KLHL28: variants seen among roughly 807,000 people sequenced by gnomAD.
KLHL28 encodes kelch like family member 28.
In KLHL28, 22 loss-of-function variants were observed where a neutral mutation model predicts 48.3. That is an observed-to-expected ratio of 0.46 (90% CI 0.33 to 0.65). KLHL28 has a LOEUF of 0.65. Among genes scored for constraint, KLHL28 ranks in the 30% least tolerant of loss-of-function variants. The probability of loss-of-function intolerance (pLI) is 0.03; values close to 1 mark genes in which losing one functional copy is unlikely to be tolerated. For missense variants in KLHL28, 527 were observed against 704.3 expected, an observed-to-expected ratio of 0.75 and a Z score of 2.85; for synonymous variants, 243 against 242.4, an observed-to-expected ratio of 1.00 and a Z score of -0.02.
chr14:44,961,266 C>T (rs773031890), intron 1 of KLHL28: 2 of 192,360 alleles, frequency 1.0e-5, no homozygotes, highest in Non-Finnish European at 2.1e-5. Context: ...TGCAGAGACG[C>T]TTGAGGATCC....
chr14:44,952,247 A>C (rs1884616479), intron 1 of KLHL28, among the ~76,000 whole-genome samples: 1 of 152,180 alleles, frequency 6.6e-6, no homozygotes, highest in African/African-American at 2.4e-5. Flanking sequence ...TAACATTTTC[A>C]AATATAGAGT....
chr14:44,956,392 T>C (rs1884794569), intron 1 of KLHL28, among the ~76,000 whole-genome samples: 1 of 152,214 alleles, frequency 6.6e-6, no homozygotes, highest in Non-Finnish European at 1.5e-5. Flanking sequence ...GAGAGATAGC[T>C]AGATAATTGG....
rs74046547 is a variant in KLHL28, at chr14:44,936,060, T to C, written c.900-1502A>G. On this transcript the variant is annotated intron_variant, in intron 2 of 4. Transcript: ENST00000396128. ...TATTTAAAGTCAGTTTTTATTATAA[T>C]ACTTGTTTTAAAAATATGAATTTGA... is the stretch of plus-strand genomic sequence containing the variant. 8.5e-3 allele frequency among the ~76,000 whole-genome samples: 1,292 copies of C among 151,546 alleles called. 20 individuals are homozygous for C. The highest frequency in any genetic ancestry group is 0.029 in the African/African-American group (1,201 of 41,382).
At position 44,947,091 on chromosome 14, in the gene KLHL28, G is replaced by T. The variant is rs1358025769; in HGVS notation, c.1-1163C>A. On this transcript the variant is annotated intron_variant, in intron 1 of 4. Coordinates refer to ENST00000396128, the MANE Select transcript of KLHL28 (RefSeq NM_017658.5). ...TATGGCAAAAAGGGACTTTGGAAAG[G>T]ATTAACAATTTTGAGATGGGGACAA... 6.6e-5 allele frequency among the ~76,000 whole-genome samples: 10 copies of T among 152,284 alleles called. No homozygotes were observed. In the East Asian group the frequency reaches 1.7e-3, roughly 26 times the overall value.
chr14:44,930,630 A>C (rs1313761139), intron 4 of KLHL28, among the ~76,000 whole-genome samples: 1 of 152,172 alleles, frequency 6.6e-6, no homozygotes, highest in Non-Finnish European at 1.5e-5. Flanking sequence ...AGCATTTCAC[A>C]CTTTAGATTT....
rs191639885 is a variant in KLHL28, at chr14:44,928,526, A to G, written c.*502T>C. The G allele has an allele frequency of 1.2e-4, 19 of 152,352 alleles. No individual in the cohort carries two copies. The highest frequency in any genetic ancestry group is 4.6e-4 in the African/African-American group (19 of 41,560). 9.4% of individuals were successfully genotyped at this position (152,352 alleles called of 1,614,324 possible). A position where few individuals can be genotyped will look rare whatever the true frequency, so the allele number is the denominator to read the frequency against. ...TACAACCTTTAAAAGTACCAAAATA[A>G]AAAGCAGCCCTTTGTTTGTTTTAAA... is the stretch of plus-strand genomic sequence containing the variant. On this transcript the variant is annotated 3_prime_UTR_variant, in exon 5 of 5. Coordinates refer to ENST00000396128, the MANE Select transcript of KLHL28 (RefSeq NM_017658.5).
At chr14:44,930,719 G>T (rs2138580540) in intron 4 of KLHL28, among the ~76,000 whole-genome samples, 2 of 152,258 alleles carry the variant, frequency 1.3e-5, no homozygotes, top group Middle Eastern at 3.4e-3. Flanking sequence ...AACACTTCTG[G>T]TCCTAAGCAT....
intron 1 of KLHL28, among the ~76,000 whole-genome samples, chr14:44,959,152 C>G (rs1191992521): frequency 6.6e-6 from 1 of 151,574 alleles, no homozygotes; most frequent in East Asian, 1.9e-4. Context: ...CTAATTTTAT[C>G]CTAAAGTTTC....
chr14:44,932,758 T>TG (rs2138586178), intron 3 of KLHL28, among the ~76,000 whole-genome samples: 1 of 152,270 alleles, frequency 6.6e-6, no homozygotes, highest in South Asian at 2.1e-4. Flanking sequence ...TACTTAACCT[T>TG]TTATCTTACA....
At position 44,945,193 on chromosome 14, in the gene KLHL28, C is replaced by A; in HGVS notation, c.736G>T (p.Asp246Tyr). 1 of 1,614,130 alleles carries A rather than the reference C, an allele frequency of 6.2e-7. No individual in the cohort carries two copies. Among genetic ancestry groups the A allele is most frequent in the Non-Finnish European group, 8.5e-7 (1 of 1,180,000 alleles). Reference protein sequence around the residue: ...RLYEANHLIRDDRTCKHLLNE... With the variant: ...RLYEANHLIRYDRTCKHLLNE... Reference sequence around the variant, plus strand: ...AAAAGATGTTTACAAGTGCGATCATCACGAATAAGATGATTTGCTTCATAT... The same window carrying A: ...AAAAGATGTTTACAAGTGCGATCATAACGAATAAGATGATTTGCTTCATAT... Residue 246 changes from aspartate (D) to tyrosine (Y), a missense_variant, in exon 2 of 5, where the codon GAT (aspartate) becomes TAT (tyrosine). Coordinates refer to ENST00000396128, the MANE Select transcript of KLHL28 (RefSeq NM_017658.5).
chr14:44,953,727 C>T (rs991924385), intron 1 of KLHL28: 1 of 152,170 alleles, frequency 6.6e-6, no homozygotes, highest in African/African-American at 2.4e-5. Flanking sequence ...AAATAAATTC[C>T]TTTTACTTAT....
At chr14:44,943,043 T>C (rs554240229) in intron 2 of KLHL28, among the ~76,000 whole-genome samples, 4 of 152,272 alleles carry the variant, frequency 2.6e-5, no homozygotes, top group South Asian at 2.1e-4. Context: ...ATGCAAATAA[T>C]ACTTTTAATT....
rs756492113 is a variant in KLHL28 at position 44,934,433 on chromosome 14, T to C, written c.1025A>G (p.Asn342Ser). 5.0e-6 allele frequency: 8 copies of C among 1,614,026 alleles called. No homozygotes were observed. The highest frequency in any genetic ancestry group is 1.7e-5 in the Admixed American group (1 of 60,002). ...TCTGATAGTGACGCCAGGACGCACATTAGTTGCAATACCACCTATAACATA... is the reference window on the plus strand; with the variant it reads ...TCTGATAGTGACGCCAGGACGCACACTAGTTGCAATACCACCTATAACATA... ...KVYVIGGIAT[N>S]VRPGVTIRKH... The change falls in exon 3 of 5, where the codon AAT becomes AGT. Residue 342 changes from asparagine to serine, a missense_variant. Transcript: ENST00000396128.
chr14:44,958,880 T>C (rs1884913797), intron 1 of KLHL28, among the ~76,000 whole-genome samples: 1 of 152,076 alleles, frequency 6.6e-6, no homozygotes, highest in Admixed American at 6.5e-5. Context: ...ATAATGGCTT[T>C]GGAAGATAAA....
chr14:44,961,599 G>T (rs1885105480), intron 1 of KLHL28: 1 of 152,224 alleles, frequency 6.6e-6, no homozygotes, highest in Non-Finnish European at 1.5e-5. Flanking sequence ...AAAAATACCC[G>T]ATTTGTGAGC....
intron 3 of KLHL28, among the ~76,000 whole-genome samples, chr14:44,933,543 C>T (rs936493516): frequency 1.3e-5 from 2 of 152,084 alleles, no homozygotes; most frequent in African/African-American, 4.8e-5. Flanking sequence ...TCTCATATAA[C>T]TAGTTACTTC....
intron 1 of KLHL28, chr14:44,961,052 C>G (rs1594590459): frequency 1.9e-6 from 1 of 521,644 alleles, no homozygotes; most frequent in Non-Finnish European, 3.5e-6. Flanking sequence ...TCACACTAGA[C>G]ACTCCAGCTC....
chr14:44,943,066 T>C (rs1325295954), intron 2 of KLHL28, among the ~76,000 whole-genome samples: 2 of 152,182 alleles, frequency 1.3e-5, no homozygotes, highest in East Asian at 1.9e-4. Flanking sequence ...TAAAATTTTA[T>C]TATGATAGAT....
intron 1 of KLHL28, among the ~76,000 whole-genome samples, chr14:44,950,713 T>C (rs923558585): frequency 1.3e-5 from 2 of 152,150 alleles, no homozygotes; most frequent in Non-Finnish European, 2.9e-5. Flanking sequence ...TGTAAAAAAA[T>C]AGACAAAATT....
Sources: gnomAD v4.1 joint callset for allele counts (sites outside exome capture counted in the v4.1 genomes callset) on GRCh38, gnomAD v4.1.1 for gene constraint, MANE v1.5 for transcripts, NCBI Gene and HGNC (gene_info 2026-07-23, HGNC 2026-07-21) for gene names.